The following ARB2A variants were observed in gnomAD, a reference collection of about 807,000 sequenced individuals.
ARB2A encodes the protein ARB2 cotranscriptional regulator A.
the ARB2A span, among the ~76,000 whole-genome samples, chr5:93,967,606 G>A: frequency 6.6e-6 from 1 of 152,060 alleles, no homozygotes; most frequent in African/African-American, 2.4e-5. Flanking sequence ...AACCTTAAGG[G>A]GGAGGGGACA....
chr5:93,809,844 T>C, the ARB2A span, among the ~76,000 whole-genome samples: 1 of 152,096 alleles, frequency 6.6e-6, no homozygotes, highest in Non-Finnish European at 1.5e-5. Context: ...CAAGCAACTA[T>C]GGTTTCACGT....
chr5:93,661,705 C>T, the ARB2A span, among the ~76,000 whole-genome samples: 12 of 151,936 alleles, frequency 7.9e-5, no homozygotes, highest in African/African-American at 1.7e-4. Flanking sequence ...AAAAAGTTTA[C>T]GAATTTGTGT....
chr5:93,660,954 G>C, the ARB2A span, among the ~76,000 whole-genome samples: 1 of 152,142 alleles, frequency 6.6e-6, no homozygotes, highest in Non-Finnish European at 1.5e-5. Context: ...GTTCTAGAGG[G>C]AGAGCTGGGT....
the ARB2A span, chr5:93,824,070 T>C: frequency 2.4e-6 from 3 of 1,245,496 alleles, no homozygotes; most frequent in South Asian, 2.5e-5. Context: ...TTAAAGAGTA[T>C]TGATACCAAC....
chr5:94,021,629 G>A, the ARB2A span, among the ~76,000 whole-genome samples: 2 of 152,188 alleles, frequency 1.3e-5, no homozygotes, highest in African/African-American at 2.4e-5. Flanking sequence ...CGGTCAAACA[G>A]ATGGACAATA....
At chr5:93,689,854 A>G in the ARB2A span, among the ~76,000 whole-genome samples, 5 of 151,996 alleles carry the variant, frequency 3.3e-5, no homozygotes, top group African/African-American at 1.2e-4. Flanking sequence ...CAACTTTGGT[A>G]CCCAGCTTAT....
At chr5:93,731,147 G>T in the ARB2A span, among the ~76,000 whole-genome samples, 3 of 152,000 alleles carry the variant, frequency 2.0e-5, no homozygotes, top group Non-Finnish European at 4.4e-5. Context: ...GGTGTTATTG[G>T]GTGAATTGTG....
At chr5:94,102,497 C>T in the ARB2A span, among the ~76,000 whole-genome samples, 1 of 152,006 alleles carries the variant, frequency 6.6e-6, no homozygotes, top group Admixed American at 6.6e-5. Context: ...AAAGAATGAA[C>T]AAAATCTCCA....
the ARB2A span, among the ~76,000 whole-genome samples, chr5:93,807,540 A>T: frequency 6.6e-6 from 1 of 152,038 alleles, no homozygotes; most frequent in African/African-American, 2.4e-5. Flanking sequence ...CACATAAAGC[A>T]ATGCATGTCC....
At chr5:93,779,427 T>C in the ARB2A span, among the ~76,000 whole-genome samples, 1 of 152,146 alleles carries the variant, frequency 6.6e-6, no homozygotes, top group African/African-American at 2.4e-5. Context: ...CATCCCAATT[T>C]TTAGTTGAGA....
the ARB2A span, among the ~76,000 whole-genome samples, chr5:93,934,679 T>C: frequency 1.3e-5 from 2 of 152,174 alleles, no homozygotes; most frequent in Non-Finnish European, 2.9e-5. Flanking sequence ...TCTTTTAATA[T>C]TGTGCTTTGG....
At chr5:93,637,968 G>A in the ARB2A span, among the ~76,000 whole-genome samples, 1 of 152,154 alleles carries the variant, frequency 6.6e-6, no homozygotes, top group Admixed American at 6.5e-5. Flanking sequence ...CAAAGTAACT[G>A]AATCCCAATA....
At chr5:93,923,506 G>A in the ARB2A span, among the ~76,000 whole-genome samples, 1 of 152,064 alleles carries the variant, frequency 6.6e-6, no homozygotes, top group Non-Finnish European at 1.5e-5. Flanking sequence ...CTTTTTAAAA[G>A]GGAAAAATAA....
chr5:93,936,288 C>T, the ARB2A span, among the ~76,000 whole-genome samples: 7 of 152,132 alleles, frequency 4.6e-5, no homozygotes, highest in East Asian at 5.8e-4. Context: ...AAAAATTTTG[C>T]CCATTCAAAA....
the ARB2A span, among the ~76,000 whole-genome samples, chr5:94,019,444 G>GA: frequency 1.3e-5 from 2 of 151,454 alleles, no homozygotes; most frequent in Admixed American, 6.6e-5. Context: ...AAACTTACAA[G>GA]AAAAAAAACA....
the ARB2A span, among the ~76,000 whole-genome samples, chr5:94,087,988 T>C: frequency 6.6e-6 from 1 of 152,188 alleles, no homozygotes. Flanking sequence ...ATCCCCAACA[T>C]TAAGTGACTC....
the ARB2A span, among the ~76,000 whole-genome samples, chr5:93,748,921 T>G: frequency 6.6e-6 from 1 of 152,172 alleles, no homozygotes; most frequent in African/African-American, 2.4e-5. Flanking sequence ...GGTTTAACCA[T>G]ATCTTTTCTA....
the ARB2A span, among the ~76,000 whole-genome samples, chr5:94,042,698 T>G: frequency 6.6e-6 from 1 of 152,204 alleles, no homozygotes; most frequent in African/African-American, 2.4e-5. Flanking sequence ...TGGGTAGATA[T>G]GTCTATAAGG....
At chr5:93,850,458 T>G in the ARB2A span, among the ~76,000 whole-genome samples, 1 of 152,112 alleles carries the variant, frequency 6.6e-6, no homozygotes, top group African/African-American at 2.4e-5. Context: ...CTCAAATATC[T>G]GATGGGATCC....
Sources: allele counts gnomAD v4.1 joint callset (sites outside exome capture counted in the v4.1 genomes callset), GRCh38; gene constraint gnomAD v4.1.1; transcripts MANE v1.5; gene names NCBI Gene and HGNC (gene_info 2026-07-23, HGNC 2026-07-21).